DLG4: variants seen among roughly 807,000 people sequenced by gnomAD.
DLG4 encodes the protein disks large homolog 4.
DLG4 carries 7 observed loss-of-function variants against 93.8 expected under a neutral mutation model. The ratio of observed to expected loss-of-function variants is 0.07; its 90% CI spans 0.04 to 0.14. The LOEUF (loss-of-function observed/expected upper bound fraction) is 0.14. Among genes scored for constraint, DLG4 ranks in the 10% least tolerant of loss-of-function variants. The probability of loss-of-function intolerance (pLI) is 1.00; values close to 1 mark genes in which losing one functional copy is unlikely to be tolerated. For synonymous variants in DLG4, 341 were observed against 387.6 expected (o/e 0.88, Z 1.41); for missense variants, 545 against 992.9 (o/e 0.55, Z 6.06).
In DLG4 at chr17:7,196,399, A is replaced by G; in HGVS notation, c.1187-65T>C. On this transcript the variant is annotated intron_variant, in intron 10 of 19. Coordinates refer to ENST00000399506, the MANE Select transcript of DLG4 (RefSeq NM_001321075.3). The surrounding 1 kb of genome is among the most constrained non-coding windows in gnomAD (Gnocchi z 8.3). Reference sequence around the variant, plus strand: ...CCTACTGTCACCCCTGTCCTCCCCTACTGAAGCCATCAGCTGAGGAAGAGT... The same window carrying G: ...CCTACTGTCACCCCTGTCCTCCCCTGCTGAAGCCATCAGCTGAGGAAGAGT... 1 of 1,607,926 alleles carries G rather than the reference A, an allele frequency of 6.2e-7. No homozygotes were observed. Among genetic ancestry groups the G allele is most frequent in the Non-Finnish European group, 8.5e-7 (1 of 1,174,478 alleles).
In DLG4 at chr17:7,196,579, G is replaced by A. The variant is rs2069798122; in HGVS notation, c.1084-4C>T. The A allele has an allele frequency of 6.2e-7, 1 of 1,613,680 alleles. No homozygotes were observed. The highest frequency in any genetic ancestry group is 1.3e-5 in the African/African-American group (1 of 75,046). On this transcript the variant is annotated splice_polypyrimidine_tract_variant and splice_region_variant and intron_variant, in intron 9 of 19. Coordinates refer to ENST00000399506, the MANE Select transcript of DLG4 (RefSeq NM_001321075.3). This position sits in a 1 kb window ranked among gnomAD's most constrained non-coding sequence, Gnocchi z 8.3. Reference sequence around the variant, plus strand: ...TTCGGAGGTCCACACCGTTGACCTAGAGAGAGGACGACAGGCTGTGTCACC... The same window carrying A: ...TTCGGAGGTCCACACCGTTGACCTAAAGAGAGGACGACAGGCTGTGTCACC...
intron 8 of DLG4, among the ~76,000 whole-genome samples, chr17:7,201,496 G>A (rs1376522816): frequency 1.3e-5 from 2 of 152,136 alleles, no homozygotes; most frequent in African/African-American, 4.8e-5. Context: ...AGAGTTATTG[G>A]GTCCAAAAAT....
intron 8 of DLG4, among the ~76,000 whole-genome samples, chr17:7,197,491 C>CTTTT (rs112404390): frequency 0.075 from 11,321 of 151,658 alleles, 1,395 homozygotes; most frequent in African/African-American, 0.26. Context: ...GAGGGAAATT[C>CTTTT]TTTTGTTTTT....
chr17:7,187,311 G>GGGT lies in DLG4; in HGVS notation c.*3396_*3397insACC, dbSNP rs1555599133. Among the ~76,000 whole-genome samples, 1 of 125,690 alleles carries GGGT rather than the reference G, an allele frequency of 8.0e-6. No homozygotes were observed. The highest frequency in any genetic ancestry group is 2.4e-4 in the East Asian group (1 of 4,114). 82.5% of individuals were successfully genotyped at this position (125,690 alleles called of 152,430 possible). Reference sequence around the variant, plus strand: ...TCCTAGCACTTTGGGAGGCCGAGGGGGGGGGGGGTGGATCACCCGAGGTCA... The same window carrying GGGT: ...TCCTAGCACTTTGGGAGGCCGAGGGGGGTGGGGGGGGTGGATCACCCGAGGTCA... On this transcript the variant is annotated 3_prime_UTR_variant, in exon 20 of 20. Transcript: ENST00000399506.
chr17:7,212,343 C>T (rs1476692829), intron 1 of DLG4, among the ~76,000 whole-genome samples: 3 of 152,238 alleles, frequency 2.0e-5, no homozygotes, highest in African/African-American at 4.8e-5. Flanking sequence ...ACCACAGAGC[C>T]TTGTTGGCCC....
rs749224844 is a variant in DLG4, at chr17:7,190,785, T to G, written c.2098A>C (p.Ile700Leu). The G allele has an allele frequency of 6.2e-7, 1 of 1,612,802 alleles. No homozygotes were observed. The highest frequency in any genetic ancestry group is 8.5e-7 in the Non-Finnish European group (1 of 1,179,484). The change falls in exon 20 of 20, where the codon ATC becomes CTC. Residue 700 changes from isoleucine to leucine, a missense_variant. Physicochemically the swap from Ile to Leu is conservative, Grantham distance 5. Around this residue, in one of 5 missense-constraint regions of DLG4, gnomAD observed 428 missense variants for 741.4 expected, o/e 0.58. Transcript: ENST00000399506. ...ATGACACGCTTCACCTTGTGGTAGA[T>G]CTCCTCAAAGCTGTCACCCTCCACG... is the stretch of plus-strand genomic sequence containing the variant. ...AIVEGDSFEE[I>L]YHKVKRVIED...
chr17:7,219,918 A>ACATGGG (rs1211934303), upstream of DLG4: 5 of 1,567,438 alleles, frequency 3.2e-6, no homozygotes, highest in African/African-American at 5.4e-5. Flanking sequence ...GGGCGCCAGG[A>ACATGGG]CGTGGGCGTG....
intron 8 of DLG4, among the ~76,000 whole-genome samples, chr17:7,201,449 A>C (rs1393458898): frequency 6.6e-6 from 1 of 152,186 alleles, no homozygotes; most frequent in Non-Finnish European, 1.5e-5. Flanking sequence ...GATGCTGCTT[A>C]ATATCCCACA....
At position 7,196,634 on chromosome 17, in the gene DLG4, G is replaced by A; in HGVS notation, c.1084-59C>T. 6.2e-7 allele frequency: 1 copy of A among 1,603,052 alleles called. No individual in the cohort carries two copies. The highest frequency in any genetic ancestry group is 1.7e-5 in the Admixed American group (1 of 59,062). On this transcript the variant is annotated intron_variant, in intron 9 of 19. Transcript: ENST00000399506. This position sits in a 1 kb window ranked among gnomAD's most constrained non-coding sequence, Gnocchi z 8.3. ...ACAGGAGGCAGCACTTCTGGGTCCA[G>A]GTGGAGCAGGGAGTGGTCCCGCAAG...
At chr17:7,217,898 G>A (rs2071007486), upstream of DLG4, 1 of 1,380,046 alleles carries the variant, frequency 7.2e-7, no homozygotes, top group African/African-American at 1.4e-5. Flanking sequence ...CGGGAGGGAG[G>A]CCTCTCGGCA....
In DLG4 at chr17:7,191,465, A is replaced by C. The variant is rs2069491339; in HGVS notation, c.1977-107T>G. Reference sequence around the variant, plus strand: ...TATTCTTCTATTTGGAGCACATAGCAAAAAAAAAAATACAATTCCCAATAT... The same window carrying C: ...TATTCTTCTATTTGGAGCACATAGCCAAAAAAAAAATACAATTCCCAATAT... On this transcript the variant is annotated intron_variant, in intron 18 of 19. Transcript: ENST00000399506. The surrounding 1 kb of genome is among the most constrained non-coding windows in gnomAD (Gnocchi z 6.6). 1 of 390,334 alleles carries C rather than the reference A, an allele frequency of 2.6e-6. No individual in the cohort carries two copies. The highest frequency in any genetic ancestry group is 3.3e-5 in the African/African-American group (1 of 30,438). 24.2% of individuals were successfully genotyped at this position (390,334 alleles called of 1,614,324 possible). A position where few individuals can be genotyped will look rare whatever the true frequency, so the allele number is the denominator to read the frequency against.
chr17:7,192,077 C>T (rs1040078350), intron 17 of DLG4, 75 bp from the exon 18 acceptor site: 12 of 803,222 alleles, frequency 1.5e-5, no homozygotes, highest in East Asian at 3.0e-5. Context: ...CGGAGGGACA[C>T]GGACGGGGAG....
intron 2 of DLG4, among the ~76,000 whole-genome samples, chr17:7,206,689 G>A (rs112055651): frequency 3.9e-4 from 59 of 152,144 alleles, no homozygotes; most frequent in African/African-American, 1.2e-3. Context: ...CTCATTCACT[G>A]CCCTGATCTC....
At chr17:7,198,148 T>C (rs1192837904) in intron 8 of DLG4, among the ~76,000 whole-genome samples, 1 of 152,046 alleles carries the variant, frequency 6.6e-6, no homozygotes, top group African/African-American at 2.4e-5. Flanking sequence ...GACTGCAAAA[T>C]GGTGGTGATT....
At chr17:7,219,765 T>C, upstream of DLG4, 3 of 1,468,626 alleles carry the variant, frequency 2.0e-6, no homozygotes, top group Non-Finnish European at 2.7e-6. Flanking sequence ...ATTAAGGAGT[T>C]TGGGGGAGAC....
chr17:7,219,621 T>C, upstream of DLG4: 1 of 1,214,542 alleles, frequency 8.2e-7, no homozygotes, highest in Non-Finnish European at 1.0e-6. Flanking sequence ...TTTTCCCTTC[T>C]AACCCCACCG....
intron 1 of DLG4, among the ~76,000 whole-genome samples, chr17:7,214,148 G>T (rs2070811826): frequency 6.6e-6 from 1 of 152,194 alleles, no homozygotes; most frequent in Admixed American, 6.5e-5. Context: ...GTGCTCTGAT[G>T]AAATCTGAAC....
chr17:7,218,700 T>C (rs2071049166), upstream of DLG4: 4 of 1,531,058 alleles, frequency 2.6e-6, no homozygotes, highest in African/African-American at 2.7e-5. Context: ...ATGAACACAC[T>C]GTCACTTCAT....
At chr17:7,205,707 A>C (rs541576) in intron 2 of DLG4, among the ~76,000 whole-genome samples, 27 of 67,172 alleles carry the variant, frequency 4.0e-4, no homozygotes, top group East Asian at 4.2e-4. Context: ...CCCCCATCCC[A>C]CAGCCCGTCC....
Sources: allele counts gnomAD v4.1 joint callset (sites outside exome capture counted in the v4.1 genomes callset), GRCh38; gene constraint gnomAD v4.1.1; regional missense constraint gnomAD v4.1.1; non-coding constraint Gnocchi (gnomAD v3.1); transcripts MANE v1.5; gene names NCBI Gene and HGNC (gene_info 2026-07-23, HGNC 2026-07-21).